Variants in CA10 observed in about 807,000 individuals in gnomAD.
CA10 encodes the protein carbonic anhydrase-related protein 10.
Under a neutral mutation model 44.2 loss-of-function variants are expected in CA10, and 14 were observed. The observed-to-expected ratio is 0.32, with a 90% CI of 0.21 to 0.50. The LOEUF (loss-of-function observed/expected upper bound fraction) is 0.50. Among genes scored for constraint, CA10 ranks in the 20% least tolerant of loss-of-function variants. The pLI, the probability that CA10 is intolerant of heterozygous loss-of-function variation, is 0.99. For missense variants in CA10, 350 were observed against 409.7 expected (o/e 0.85, Z 1.26); for synonymous variants, 159 against 141.6 (o/e 1.12, Z -0.87).
rs116949988 is a variant in CA10 at position 51,664,106 on chromosome 17, A to G, written c.466-10370T>C. Among the ~76,000 whole-genome samples, 817 of 152,298 alleles carry G rather than the reference A, an allele frequency of 5.4e-3. 7 individuals carry two copies. The highest frequency in any genetic ancestry group is 7.5e-3 in the Non-Finnish European group (513 of 68,018). ...TTAAGTCATTCCAGAGCCCACATAAATAGTATTAATAAAGGCTCGCTTTGT... is the reference window on the plus strand; with the variant it reads ...TTAAGTCATTCCAGAGCCCACATAAGTAGTATTAATAAAGGCTCGCTTTGT... On this transcript the variant is annotated intron_variant, in intron 4 of 8. Transcript: ENST00000451037.
intron 2 of CA10, among the ~76,000 whole-genome samples, chr17:52,018,529 T>C (rs2144148679): frequency 6.6e-6 from 1 of 152,288 alleles, no homozygotes; most frequent in East Asian, 1.9e-4. Flanking sequence ...TCCTCTCTTT[T>C]GGCCAATTTA....
intron 3 of CA10, among the ~76,000 whole-genome samples, chr17:51,918,765 C>A (rs974924228): frequency 6.6e-6 from 1 of 152,292 alleles, no homozygotes; most frequent in African/African-American, 2.4e-5. Flanking sequence ...AGATATTAGG[C>A]TGAATGGCTT....
intron 3 of CA10, among the ~76,000 whole-genome samples, chr17:51,814,370 T>C (rs1483074043): frequency 2.0e-5 from 3 of 152,180 alleles, no homozygotes; most frequent in Non-Finnish European, 4.4e-5. Context: ...AATTGAGGCC[T>C]AGAGGCTCCA....
intron 4 of CA10, among the ~76,000 whole-genome samples, chr17:51,714,227 A>G (rs190311887): frequency 6.6e-6 from 1 of 152,200 alleles, no homozygotes; most frequent in South Asian, 2.1e-4. Flanking sequence ...TCTTTCTTAA[A>G]GAGGCAAAGT....
chr17:51,850,404 G>A (rs564295028), intron 3 of CA10, among the ~76,000 whole-genome samples: 28 of 152,316 alleles, frequency 1.8e-4, no homozygotes, highest in Middle Eastern at 3.4e-3. Context: ...CTAGAGGAAA[G>A]CCAGCAGCAA....
intron 4 of CA10, among the ~76,000 whole-genome samples, chr17:51,676,438 C>T (rs1185984654): frequency 1.3e-5 from 2 of 152,182 alleles, no homozygotes; most frequent in African/African-American, 2.4e-5. Context: ...ACAGCCATCA[C>T]CTGAGAGCAT....
chr17:51,816,959 T>A (rs150842191), intron 3 of CA10, among the ~76,000 whole-genome samples: 8 of 152,342 alleles, frequency 5.3e-5, no homozygotes, highest in African/African-American at 1.7e-4. Flanking sequence ...GGCTATAGTA[T>A]AAGCAAGGAA....
At chr17:51,692,652 T>G (rs1915253792) in intron 4 of CA10, among the ~76,000 whole-genome samples, 2 of 152,234 alleles carry the variant, frequency 1.3e-5, no homozygotes, top group Admixed American at 1.3e-4. Context: ...GAATAGTATT[T>G]CATTGTGTAG....
chr17:51,642,371 C>T (rs1008349394), intron 6 of CA10, among the ~76,000 whole-genome samples: 12 of 152,166 alleles, frequency 7.9e-5, no homozygotes, highest in African/African-American at 2.4e-4. Flanking sequence ...TGAGGAGCGG[C>T]GCATAAAACA....
chr17:51,767,672 A>G (rs1466422112), intron 3 of CA10, among the ~76,000 whole-genome samples: 2 of 152,006 alleles, frequency 1.3e-5, no homozygotes, highest in African/African-American at 4.8e-5. Context: ...ATTGTAACAT[A>G]TAATGAAACA....
At chr17:51,735,519 C>A (rs905411315) in intron 4 of CA10, among the ~76,000 whole-genome samples, 1 of 148,464 alleles carries the variant, frequency 6.7e-6, no homozygotes. Context: ...GAACATGTAC[C>A]CCCCACCCCG....
chr17:51,846,051 A>G (rs1978480210), intron 3 of CA10, among the ~76,000 whole-genome samples: 1 of 152,216 alleles, frequency 6.6e-6, no homozygotes, highest in East Asian at 1.9e-4. Context: ...CTGCTTTAAC[A>G]ATTTTTCCAG....
intron 3 of CA10, among the ~76,000 whole-genome samples, chr17:51,803,905 G>A (rs892726559): frequency 6.6e-6 from 1 of 152,154 alleles, no homozygotes; most frequent in Non-Finnish European, 1.5e-5. Context: ...GTTGTATTTC[G>A]TATGAATTGT....
At chr17:52,148,832 T>C (rs778819240) in intron 1 of CA10, among the ~76,000 whole-genome samples, 16 of 152,228 alleles carry the variant, frequency 1.1e-4, no homozygotes, top group South Asian at 2.1e-4. Context: ...TTTTTTTTAC[T>C]ACATTTTATC....
intron 3 of CA10, among the ~76,000 whole-genome samples, chr17:51,750,613 AT>A (rs1176980853): frequency 6.6e-6 from 1 of 152,234 alleles, no homozygotes; most frequent in Non-Finnish European, 1.5e-5. Context: ...TGTACACATT[AT>A]TACAGCATTT....
At chr17:51,842,907 G>A (rs1978346045) in intron 3 of CA10, among the ~76,000 whole-genome samples, 1 of 152,172 alleles carries the variant, frequency 6.6e-6, no homozygotes, top group Admixed American at 6.5e-5. Context: ...TGGGAACTAT[G>A]CAGAATGGGT....
chr17:51,847,545 T>G (rs1459838793), intron 3 of CA10, among the ~76,000 whole-genome samples: 1 of 152,182 alleles, frequency 6.6e-6, no homozygotes, highest in African/African-American at 2.4e-5. Context: ...AAAATGCACT[T>G]CTTTGCATGA....
intron 6 of CA10, among the ~76,000 whole-genome samples, chr17:51,636,689 CAAT>C (rs1288183724): frequency 1.3e-5 from 2 of 151,646 alleles, no homozygotes; most frequent in African/African-American, 4.8e-5. Context: ...CTTAAAACAA[CAAT>C]AAGAAAATAT....
chr17:52,063,991 C>A (rs1283353467), intron 2 of CA10, among the ~76,000 whole-genome samples: 2 of 152,184 alleles, frequency 1.3e-5, no homozygotes, highest in Admixed American at 6.5e-5. Flanking sequence ...CGTTCTTAAT[C>A]CGTTGACTTT....
Sources: allele counts gnomAD v4.1 joint callset (sites outside exome capture counted in the v4.1 genomes callset), GRCh38; gene constraint gnomAD v4.1.1; transcripts MANE v1.5; gene names NCBI Gene and HGNC (gene_info 2026-07-23, HGNC 2026-07-21).